Variants in PRTFDC1 observed in about 807,000 individuals in gnomAD.
The protein encoded by PRTFDC1 is phosphoribosyltransferase domain-containing protein 1.
Under a neutral mutation model 34.6 loss-of-function variants are expected in PRTFDC1, and 38 were observed. That is an observed-to-expected ratio of 1.10 (90% CI 0.85 to 1.44). The LOEUF is 1.44. Among genes scored for constraint, PRTFDC1 ranks in the 40% most tolerant of loss-of-function variants. PRTFDC1 has a pLI of 0.00. For missense variants in PRTFDC1, 270 were observed against 283.0 expected, an observed-to-expected ratio of 0.95 and a Z score of 0.33; for synonymous variants, 93 against 98.1, an observed-to-expected ratio of 0.95 and a Z score of 0.31.
At position 24,855,369 on chromosome 10, in the gene PRTFDC1, C is replaced by T. The variant is rs754912465; in HGVS notation, c.507-5G>A. The T allele has an allele frequency of 1.2e-6, 2 of 1,613,870 alleles. No homozygotes were observed. The highest frequency in any genetic ancestry group is 1.7e-6 in the Non-Finnish European group (2 of 1,179,894). On this transcript the variant is annotated splice_polypyrimidine_tract_variant and splice_region_variant and intron_variant, in intron 6 of 8. Transcript: ENST00000320152. ...GATGTTCTCTTCACCAACAAACTAC[C>T]ATTAAAAAAGACATGCTTTAGTGAA...
At chr10:24,934,677 G>T (rs147169307) in intron 3 of PRTFDC1, among the ~76,000 whole-genome samples, 1 of 152,086 alleles carries the variant, frequency 6.6e-6, no homozygotes, top group African/African-American at 2.4e-5. Context: ...GGAAGCTGCC[G>T]CTTCTAGTTG....
chr10:24,893,739 T>C (rs558534644), intron 3 of PRTFDC1, among the ~76,000 whole-genome samples: 1 of 151,566 alleles, frequency 6.6e-6, no homozygotes, highest in Non-Finnish European at 1.5e-5. Flanking sequence ...GATGAGAAAA[T>C]GGAATCTTAA....
intron 3 of PRTFDC1, among the ~76,000 whole-genome samples, chr10:24,896,126 G>A (rs1313098560): frequency 6.6e-6 from 1 of 152,158 alleles, no homozygotes; most frequent in Non-Finnish European, 1.5e-5. Context: ...ACCCCAGGCT[G>A]TGGATTGGTA....
Position 24,943,313 on chromosome 10 carries a change from G to C in PRTFDC1, c.49-877C>G, listed in dbSNP as rs577600093. On this transcript the variant is annotated intron_variant, in intron 1 of 8. Coordinates refer to ENST00000320152, the MANE Select transcript of PRTFDC1 (RefSeq NM_020200.7). The stretch of plus-strand genomic sequence containing the variant: ...GTTAGACACTTAAACCGTCCTATTA[G>C]AAACTGATGATCCAGAAAATTGGCC... 5.9e-5 allele frequency among the ~76,000 whole-genome samples: 9 copies of C among 152,126 alleles called. No homozygotes were observed. The South Asian group carries it at 1.9e-3, about 32-fold the overall frequency.
chr10:24,876,907 C>T (rs1847976579), intron 3 of PRTFDC1, among the ~76,000 whole-genome samples: 1 of 149,418 alleles, frequency 6.7e-6, no homozygotes, highest in South Asian at 2.2e-4. Context: ...GTCTAGGGCT[C>T]CCCTGGTTTA....
intron 3 of PRTFDC1, among the ~76,000 whole-genome samples, chr10:24,905,922 TA>T: frequency 6.6e-6 from 1 of 152,302 alleles, no homozygotes; most frequent in African/African-American, 2.4e-5. Context: ...CAGCCTCTGG[TA>T]ACCATCCTTC....
chr10:24,925,980 C>T (rs1260216265), intron 3 of PRTFDC1, among the ~76,000 whole-genome samples: 1 of 152,158 alleles, frequency 6.6e-6, no homozygotes, highest in African/African-American at 2.4e-5. Context: ...TGGATTTGTC[C>T]CTTGTCCTGT....
chr10:24,942,530 AAC>A (rs761346409), intron 1 of PRTFDC1, 94 bp from the exon 2 acceptor site: 326 of 1,026,868 alleles, frequency 3.2e-4, no homozygotes, highest in South Asian at 1.7e-3. Flanking sequence ...GAATTCCCTC[AAC>A]TTATGAAAAG....
At chr10:24,919,515 A>T (rs1387000800) in intron 3 of PRTFDC1, among the ~76,000 whole-genome samples, 2 of 152,254 alleles carry the variant, frequency 1.3e-5, no homozygotes, top group African/African-American at 4.8e-5. Flanking sequence ...TGGAAAACCC[A>T]AAACTATAAA....
intron 3 of PRTFDC1, among the ~76,000 whole-genome samples, chr10:24,901,472 C>T (rs1259981980): frequency 2.0e-5 from 3 of 152,138 alleles, no homozygotes; most frequent in Non-Finnish European, 4.4e-5. Context: ...GGAATGTAAT[C>T]CCAGCACTTT....
chr10:24,940,531 A>T (rs929104309), intron 2 of PRTFDC1, among the ~76,000 whole-genome samples: 1 of 152,240 alleles, frequency 6.6e-6, no homozygotes. Context: ...AAGAATGGCT[A>T]TAATCAAAAG....
chr10:24,886,624 C>G (rs968399244), intron 3 of PRTFDC1, among the ~76,000 whole-genome samples: 7 of 152,080 alleles, frequency 4.6e-5, no homozygotes, highest in African/African-American at 1.7e-4. Flanking sequence ...TTTTTTTACC[C>G]CCTTACATTC....
intron 5 of PRTFDC1, 74 bp from the exon 6 acceptor site, chr10:24,857,069 C>A (rs1027240890): frequency 1.6e-6 from 2 of 1,223,616 alleles, no homozygotes; most frequent in Middle Eastern, 3.8e-4. Flanking sequence ...CAGGGAGATA[C>A]TCCTGATTAA....
chr10:24,878,491 T>C (rs1848008535), intron 3 of PRTFDC1, among the ~76,000 whole-genome samples: 1 of 152,152 alleles, frequency 6.6e-6, no homozygotes, highest in African/African-American at 2.4e-5. Flanking sequence ...TAAGTTGAAA[T>C]GGACAGGAGA....
intron 3 of PRTFDC1, among the ~76,000 whole-genome samples, chr10:24,889,486 G>A (rs574374777): frequency 2.6e-5 from 4 of 152,144 alleles, no homozygotes; most frequent in Non-Finnish European, 5.9e-5. Context: ...ATATGCAAAT[G>A]CTAGGAAAAA....
Position 24,880,326 on chromosome 10 carries a change from C to T in PRTFDC1, c.340-8263G>A, listed in dbSNP as rs113675718. 6.2e-3 allele frequency among the ~76,000 whole-genome samples: 934 copies of T among 151,104 alleles called. 9 individuals are homozygous for T. The highest frequency in any genetic ancestry group is 0.021 in the Middle Eastern group (6 of 290). ...GGAGTGCAGTAGCGTGAACTCAGCT[C>T]ACTGCAACCTCTGCCTCCTGGGCTC... On this transcript the variant is annotated intron_variant, in intron 3 of 8. Transcript: ENST00000320152.
rs570500145 is a variant in PRTFDC1, at chr10:24,895,282, G to A, written c.340-23219C>T. 7.5e-5 allele frequency among the ~76,000 whole-genome samples: 8 copies of A among 107,276 alleles called. No individual in the cohort carries two copies. In the South Asian group the frequency reaches 8.8e-4, roughly 12 times the overall value. 70.4% of individuals were successfully genotyped at this position (107,276 alleles called of 152,430 possible). ...TTTTTTTTTTTTTTGAGATGGAGTCGCTCTTGTTGCCCAGGCTGGAGTGCA... is the reference window on the plus strand; with the variant it reads ...TTTTTTTTTTTTTTGAGATGGAGTCACTCTTGTTGCCCAGGCTGGAGTGCA... On this transcript the variant is annotated intron_variant, in intron 3 of 8. Transcript: ENST00000320152.
chr10:24,879,532 G>T (rs1210913258), intron 3 of PRTFDC1, among the ~76,000 whole-genome samples: 1 of 151,704 alleles, frequency 6.6e-6, no homozygotes, highest in Non-Finnish European at 1.5e-5. Context: ...TTTTAGTAGA[G>T]AGATAGGGTT....
intron 5 of PRTFDC1, 68 bp from the exon 6 acceptor site, chr10:24,857,063 G>A (rs756090748): frequency 7.8e-7 from 1 of 1,276,934 alleles, no homozygotes; most frequent in South Asian, 1.2e-5. Flanking sequence ...TTCACCCAGG[G>A]AGATACTCCT....
Sources: gnomAD v4.1 joint callset for allele counts (sites outside exome capture counted in the v4.1 genomes callset) on GRCh38, gnomAD v4.1.1 for gene constraint, MANE v1.5 for transcripts, NCBI Gene and HGNC (gene_info 2026-07-23, HGNC 2026-07-21) for gene names.